CTSO: variants seen among roughly 807,000 people sequenced by gnomAD.
CTSO encodes the protein cathepsin O.
Under a neutral mutation model 42.4 loss-of-function variants are expected in CTSO, and 40 were observed. The observed-to-expected ratio is 0.94, with a 90% CI of 0.73 to 1.23. CTSO has a LOEUF of 1.23. CTSO is among the 50% of genes most tolerant of loss of function. The pLI, the probability that CTSO is intolerant of heterozygous loss-of-function variation, is 0.00. For synonymous variants in CTSO, 156 were observed against 146.2 expected (o/e 1.07, Z -0.48); for missense variants, 441 against 396.0 (o/e 1.11, Z -0.96).
At chr4:155,928,306 T>C in intron 7 of CTSO, 30 bp downstream of exon 7, 1 of 1,465,048 alleles carries the variant, frequency 6.8e-7, no homozygotes, top group Non-Finnish European at 9.5e-7. Context: ...ATATTTATAT[T>C]GAGGTTTTAA....
chr4:155,939,538 ACT>A lies in CTSO; in HGVS notation c.385-2_385-1del, dbSNP rs1317896745. 1 of 1,609,148 alleles carries A rather than the reference ACT, an allele frequency of 6.2e-7. No homozygotes were observed. The highest frequency in any genetic ancestry group is 1.3e-5 in the African/African-American group (1 of 74,778). On this transcript the variant is annotated splice_acceptor_variant, in intron 3 of 7. Transcript: ENST00000433477. LOFTEE classifies it high-confidence loss of function. The stretch of plus-strand genomic sequence containing the variant: ...ACGCTGAAGGCCCAGCATCCTCCAC[ACT>A]GTTTAAAAACAGAAAAAGGGGTGGT...
rs375701846 is a variant in CTSO, at chr4:155,928,294, T to C, written c.931+42A>G. 5.7e-5 allele frequency: 77 copies of C among 1,357,788 alleles called. No homozygotes were observed. In the African/African-American group the frequency reaches 7.5e-4, roughly 13 times the overall value. 84.1% of individuals were successfully genotyped at this position (1,357,788 alleles called of 1,614,324 possible). A position where few individuals can be genotyped will look rare whatever the true frequency, so the allele number is the denominator to read the frequency against. ...CTCTAAAATATTCAAATAATCTCCT[T>C]AATATTTATATTGAGGTTTTAAACA... On this transcript the variant is annotated intron_variant, in intron 7 of 7. Transcript: ENST00000433477.
At position 155,924,351 on chromosome 4, in the gene CTSO, C is replaced by A. The variant is rs1743093677; in HGVS notation, c.*1685G>T. Reference sequence around the variant, plus strand: ...TAAGAATATTTATCAATTAAAAGGTCAATATCTGTCTTCCTGAAATAACTC... The same window carrying A: ...TAAGAATATTTATCAATTAAAAGGTAAATATCTGTCTTCCTGAAATAACTC... On this transcript the variant is annotated 3_prime_UTR_variant, in exon 8 of 8. Coordinates refer to ENST00000433477, the MANE Select transcript of CTSO (RefSeq NM_001334.3). 6.6e-6 allele frequency: 1 copy of A among 152,168 alleles called. No homozygotes were observed. Among genetic ancestry groups the A allele is most frequent in the Admixed American group, 6.5e-5 (1 of 15,274 alleles). 9.4% of individuals were successfully genotyped at this position (152,168 alleles called of 1,614,324 possible). A position where few individuals can be genotyped will look rare whatever the true frequency, so the allele number is the denominator to read the frequency against.
rs1011294433 is a variant in CTSO, at chr4:155,953,796, G to T, written c.52C>A (p.Arg18=). ...WLPWLLWLLC[R]GGGDADSRAP... The stretch of plus-strand genomic sequence containing the variant: ...CGGGAGTCCGCATCGCCGCCGCCCC[G>T]GCACAGCAGCCACAGCAGCCACGGC... Residue 18 remains arginine, a synonymous_variant, in exon 1 of 8, where the codon CGG becomes AGG. Coordinates refer to ENST00000433477, the MANE Select transcript of CTSO (RefSeq NM_001334.3). 54 of 1,351,112 alleles carry T rather than the reference G, an allele frequency of 4.0e-5. No homozygotes were observed. Among genetic ancestry groups the T allele is most frequent in the Non-Finnish European group, 5.0e-5 (52 of 1,047,954 alleles). The allele number at this position is 1,351,112 out of a possible 1,614,324, so 83.7% of individuals were successfully genotyped here.
At chr4:155,939,944 T>C (rs574804067) in intron 3 of CTSO, among the ~76,000 whole-genome samples, 2 of 152,262 alleles carry the variant, frequency 1.3e-5, no homozygotes, top group African/African-American at 4.8e-5. Flanking sequence ...CCTTGCTTTT[T>C]TAAGGACACT....
intron 5 of CTSO, among the ~76,000 whole-genome samples, chr4:155,935,033 C>T (rs1743305848): frequency 6.6e-6 from 1 of 152,242 alleles, no homozygotes; most frequent in East Asian, 1.9e-4. Context: ...TTGTATCTCC[C>T]AGAATTCCCA....
chr4:155,942,510 T>C (rs1743459369), intron 2 of CTSO, 54 bp from the exon 3 acceptor site: 2 of 785,830 alleles, frequency 2.5e-6, no homozygotes, highest in Non-Finnish European at 3.4e-6. Context: ...CAATATATTA[T>C]ATTATATATA....
In CTSO at chr4:155,939,630, G is replaced by A. The variant is rs1743393895; in HGVS notation, c.385-92C>T. 3 of 1,191,120 alleles carry A rather than the reference G, an allele frequency of 2.5e-6. No homozygotes were observed. The African/African-American group carries it at 4.5e-5, about 18-fold the overall frequency. The allele number at this position is 1,191,120 out of a possible 1,614,324, so 73.8% of individuals were successfully genotyped here. On this transcript the variant is annotated intron_variant, in intron 3 of 7. Coordinates refer to ENST00000433477, the MANE Select transcript of CTSO (RefSeq NM_001334.3). Reference sequence around the variant, plus strand: ...GTAACAAGTTATCAAATCAAGTAAGGCTTCCAGATTCTGGAAACCTACAAA... The same window carrying A: ...GTAACAAGTTATCAAATCAAGTAAGACTTCCAGATTCTGGAAACCTACAAA...
chr4:155,925,507 T>C lies in CTSO; in HGVS notation c.*529A>G, dbSNP rs1158781588. 3 of 152,510 alleles carry C rather than the reference T, an allele frequency of 2.0e-5. No individual in the cohort carries two copies. Among genetic ancestry groups the C allele is most frequent in the Admixed American group, 6.5e-5 (1 of 15,278 alleles). 9.4% of individuals were successfully genotyped at this position (152,510 alleles called of 1,614,324 possible). ...AGCACCATTTGTTCAGGTAAAGCAA[T>C]TGGTGTTTGAAATCCTTCCGATAGA... On this transcript the variant is annotated 3_prime_UTR_variant, in exon 8 of 8. Coordinates refer to ENST00000433477, the MANE Select transcript of CTSO (RefSeq NM_001334.3).
chr4:155,949,795 T>C (rs1743613670), intron 1 of CTSO, among the ~76,000 whole-genome samples: 1 of 152,218 alleles, frequency 6.6e-6, no homozygotes, highest in South Asian at 2.1e-4. Flanking sequence ...AGATCAGTGA[T>C]TCTCAACTGA....
intron 5 of CTSO, among the ~76,000 whole-genome samples, chr4:155,934,777 C>A (rs1743301275): frequency 6.6e-6 from 1 of 152,158 alleles, no homozygotes; most frequent in African/African-American, 2.4e-5. Context: ...ATACCTGTAT[C>A]CCTACTGCAT....
At chr4:155,927,149 T>A (rs1303770955) in intron 7 of CTSO, among the ~76,000 whole-genome samples, 1 of 152,232 alleles carries the variant, frequency 6.6e-6, no homozygotes, top group East Asian at 1.9e-4. Context: ...ATAGAACAGA[T>A]CACTCATGAA....
At chr4:155,939,592 A>G in intron 3 of CTSO, 54 bp from the exon 4 acceptor site, 2 of 1,476,994 alleles carry the variant, frequency 1.4e-6, no homozygotes, top group Non-Finnish European at 1.8e-6. Flanking sequence ...TCAACTTACC[A>G]ACATCTCTAA....
Position 155,939,434 on chromosome 4 carries a change from A to C in CTSO, c.489T>G (p.Cys163Trp), listed in dbSNP as rs1483092586. ...EDLSVQQVID[C>W]SYNNYGCNGG... Reference sequence around the variant, plus strand: ...CATTGCAGCCATAATTATTATACGAACAGTCAATGACCTGCTGGACACTTA... The same window carrying C: ...CATTGCAGCCATAATTATTATACGACCAGTCAATGACCTGCTGGACACTTA... The change falls in exon 4 of 8, where the codon TGT (cysteine) becomes TGG (tryptophan). Residue 163 changes from cysteine to tryptophan, a missense_variant. Transcript: ENST00000433477. The C allele has an allele frequency of 4.4e-5, 71 of 1,614,022 alleles. No homozygotes were observed. Among genetic ancestry groups the C allele is most frequent in the Non-Finnish European group, 5.3e-5 (63 of 1,179,992 alleles).
intron 3 of CTSO, 52 bp from the exon 4 acceptor site, chr4:155,939,590 C>T (rs1743393329): frequency 1.3e-6 from 2 of 1,485,050 alleles, no homozygotes; most frequent in Non-Finnish European, 1.8e-6. Context: ...AATCAACTTA[C>T]CAACATCTCT....
intron 7 of CTSO, 147 bp downstream of exon 7, chr4:155,928,189 T>A: frequency 2.1e-6 from 1 of 475,368 alleles, no homozygotes; most frequent in African/African-American, 2.3e-5. Flanking sequence ...TAACAGTTCC[T>A]CTTGCAAAAC....
At chr4:155,947,389 A>T (rs1170557728) in intron 1 of CTSO, among the ~76,000 whole-genome samples, 1 of 152,192 alleles carries the variant, frequency 6.6e-6, no homozygotes, top group Non-Finnish European at 1.5e-5. Context: ...CTTTAAACAG[A>T]GTATTTGGAT....
In CTSO at chr4:155,929,005, G is replaced by A. The variant is rs111629840; in HGVS notation, c.838+537C>T. The stretch of plus-strand genomic sequence containing the variant: ...CACGCTGGAAGGTTGTGGGTTTACC[G>A]GAATTAGGGCAAGGAACACCTGGCC... On this transcript the variant is annotated intron_variant, in intron 6 of 7. Transcript: ENST00000433477. 9.4e-3 allele frequency among the ~76,000 whole-genome samples: 1,437 copies of A among 152,236 alleles called. 26 individuals are homozygous for A. Among genetic ancestry groups the A allele is most frequent in the African/African-American group, 0.033 (1,374 of 41,528 alleles).
intron 1 of CTSO, among the ~76,000 whole-genome samples, chr4:155,949,645 T>C (rs183955356): frequency 6.6e-6 from 1 of 152,346 alleles, no homozygotes; most frequent in East Asian, 1.9e-4. Context: ...ATTGTACACA[T>C]AGATTTAAAA....
Sources: allele counts gnomAD v4.1 joint callset (sites outside exome capture counted in the v4.1 genomes callset), GRCh38; gene constraint gnomAD v4.1.1; transcripts MANE v1.5; gene names NCBI Gene and HGNC (gene_info 2026-07-23, HGNC 2026-07-21).